Variants in SDK1 observed in about 807,000 individuals in gnomAD.
The protein encoded by SDK1 is sidekick cell adhesion molecule 1.
SDK1 carries 157 observed loss-of-function variants against 245.5 expected under a neutral mutation model. That is an observed-to-expected ratio of 0.64 (90% CI 0.56 to 0.73). The LOEUF is 0.73. Among genes scored for constraint, SDK1 ranks in the 30% least tolerant of loss-of-function variants. The pLI, the probability that SDK1 is intolerant of heterozygous loss-of-function variation, is 0.00. For missense variants in SDK1, 3,583 were observed against 3,002.3 expected (o/e 1.19, Z -4.52); for synonymous variants, 1,647 against 1,278.5 (o/e 1.29, Z -6.15).
At chr7:3,572,232 G>A (rs1255876217) in intron 1 of SDK1, among the ~76,000 whole-genome samples, 1 of 151,826 alleles carries the variant, frequency 6.6e-6, no homozygotes, top group African/African-American at 2.4e-5. Context: ...AAATTTTTTT[G>A]GTCTGTTTCT....
chr7:3,483,814 T>G (rs1323677377), intron 1 of SDK1, among the ~76,000 whole-genome samples: 1 of 152,214 alleles, frequency 6.6e-6, no homozygotes, highest in Non-Finnish European at 1.5e-5. Context: ...TATAGTAAAT[T>G]CATTGGAACA....
intron 1 of SDK1, among the ~76,000 whole-genome samples, chr7:3,485,690 T>TTTTTTTTTTTTTTTTG (rs1781669665): frequency 7.3e-6 from 1 of 137,476 alleles, no homozygotes; most frequent in Non-Finnish European, 1.6e-5. Context: ...AGGGTTTTTT[T>TTTTTTTTTTTTTTTTG]TTTTTTTTTT....
chr7:3,576,224 C>A (rs558558788), intron 1 of SDK1, among the ~76,000 whole-genome samples: 2 of 152,266 alleles, frequency 1.3e-5, no homozygotes, highest in Non-Finnish European at 2.9e-5. Flanking sequence ...GCCATTCAGA[C>A]TTCTCTTTTA....
chr7:3,632,742 C>T (rs1172714403), intron 2 of SDK1, among the ~76,000 whole-genome samples: 1 of 152,180 alleles, frequency 6.6e-6, no homozygotes, highest in Non-Finnish European at 1.5e-5. Flanking sequence ...AAAAACATAA[C>T]CTCAGCTTGC....
intron 4 of SDK1, among the ~76,000 whole-genome samples, chr7:3,724,812 T>C (rs984913643): frequency 2.0e-5 from 3 of 152,198 alleles, no homozygotes; most frequent in Non-Finnish European, 2.9e-5. Flanking sequence ...AACCCTGGAC[T>C]GGCCTGGCCC....
At chr7:3,936,193 A>G (rs527469518) in intron 5 of SDK1, among the ~76,000 whole-genome samples, 1 of 152,186 alleles carries the variant, frequency 6.6e-6, no homozygotes, top group African/African-American at 2.4e-5. Flanking sequence ...TCAAGTTCAC[A>G]GAGACAGAAA....
At chr7:3,761,712 G>C (rs1157836092) in intron 4 of SDK1, among the ~76,000 whole-genome samples, 1 of 151,914 alleles carries the variant, frequency 6.6e-6, no homozygotes, top group African/African-American at 2.4e-5. Context: ...TTTGATTAGA[G>C]AAAATATGCA....
At chr7:3,442,001 A>G (rs1264677960) in intron 1 of SDK1, among the ~76,000 whole-genome samples, 1 of 152,154 alleles carries the variant, frequency 6.6e-6, no homozygotes, top group Non-Finnish European at 1.5e-5. Flanking sequence ...GCAGCTCTCC[A>G]CAAGCATCCT....
At chr7:3,831,826 T>C (rs1304991771) in intron 5 of SDK1, among the ~76,000 whole-genome samples, 1 of 152,066 alleles carries the variant, frequency 6.6e-6, no homozygotes, top group East Asian at 1.9e-4. Context: ...GCAGGAGCAT[T>C]GCTCGAGCCC....
intron 5 of SDK1, among the ~76,000 whole-genome samples, chr7:3,855,803 A>G (rs1388373974): frequency 6.6e-6 from 1 of 152,190 alleles, no homozygotes; most frequent in Non-Finnish European, 1.5e-5. Context: ...TTTTAGTCAA[A>G]GTTCTGAGGG....
intron 13 of SDK1, 77 bp downstream of exon 13, chr7:3,974,622 C>T: frequency 7.3e-7 from 1 of 1,376,332 alleles, no homozygotes; most frequent in Non-Finnish European, 1.0e-6. Context: ...ACTGCCACTT[C>T]ACAAGTGTCA....
chr7:3,778,483 C>T (rs888081084), intron 4 of SDK1, among the ~76,000 whole-genome samples: 3 of 152,178 alleles, frequency 2.0e-5, no homozygotes, highest in African/African-American at 7.2e-5. Flanking sequence ...TTACATCTGG[C>T]AAATAGACCC....
intron 14 of SDK1, among the ~76,000 whole-genome samples, chr7:3,996,662 G>C (rs183634812): frequency 9.5e-4 from 145 of 152,236 alleles, no homozygotes; most frequent in South Asian, 9.1e-3. Context: ...TAGGAACATA[G>C]GAAAACCACT....
intron 1 of SDK1, among the ~76,000 whole-genome samples, chr7:3,435,887 G>C (rs558200012): frequency 6.6e-6 from 1 of 152,264 alleles, no homozygotes; most frequent in South Asian, 2.1e-4. Context: ...GTGATCATTT[G>C]TTAACAAGAT....
intron 22 of SDK1, among the ~76,000 whole-genome samples, chr7:4,101,104 C>T (rs1471343983): frequency 1.3e-5 from 2 of 152,124 alleles, no homozygotes; most frequent in Admixed American, 6.5e-5. Flanking sequence ...GCTGGGCAGC[C>T]CTGACCCTTT....
chr7:4,245,559 A>C, intron 43 of SDK1, 117 bp from the exon 44 acceptor site: 1 of 1,238,230 alleles, frequency 8.1e-7, no homozygotes, highest in African/African-American at 1.5e-5. Context: ...AGTGATGTCA[A>C]AGGCTGTGGG....
intron 4 of SDK1, among the ~76,000 whole-genome samples, chr7:3,811,482 T>C (rs2115047776): frequency 6.6e-6 from 1 of 152,338 alleles, no homozygotes; most frequent in African/African-American, 2.4e-5. Context: ...TCCAGGAAAC[T>C]CAGGGAGCTT....
At chr7:4,099,993 G>T (rs1369109123) in intron 22 of SDK1, among the ~76,000 whole-genome samples, 2 of 152,050 alleles carry the variant, frequency 1.3e-5, no homozygotes, top group African/African-American at 4.8e-5. Context: ...AGTCTCAGGA[G>T]CTCAGTGTCT....
chr7:3,846,349 A>T (rs1427527804), intron 5 of SDK1, among the ~76,000 whole-genome samples: 1 of 152,206 alleles, frequency 6.6e-6, no homozygotes, highest in Non-Finnish European at 1.5e-5. Context: ...GTGCATTCTA[A>T]ATGTGCTTGG....
Sources: allele counts gnomAD v4.1 joint callset (sites outside exome capture counted in the v4.1 genomes callset), GRCh38; gene constraint gnomAD v4.1.1; transcripts MANE v1.5; gene names NCBI Gene and HGNC (gene_info 2026-07-23, HGNC 2026-07-21).